The following MALL variants were observed in gnomAD, a reference collection of about 807,000 sequenced individuals.
MALL encodes MAL-like protein.
MALL carries 2 observed loss-of-function variants against 10.3 expected under a neutral mutation model. The ratio of observed to expected loss-of-function variants is 0.19; its 90% CI spans 0.08 to 0.61. The LOEUF (loss-of-function observed/expected upper bound fraction) is 0.61, where lower values mean the gene tolerates loss of function less well. MALL is among the 20% of genes least tolerant of loss of function. The probability of loss-of-function intolerance (pLI) is 0.88; values close to 1 mark genes in which losing one functional copy is unlikely to be tolerated. For synonymous variants in MALL, 27 were observed against 51.8 expected, an observed-to-expected ratio of 0.52 and a Z score of 2.05; for missense variants, 39 against 115.2, an observed-to-expected ratio of 0.34 and a Z score of 3.03.
chr2:110,100,145 T>C (rs1413240328), intron 1 of MALL, among the ~76,000 whole-genome samples: 2 of 152,108 alleles, frequency 1.3e-5, no homozygotes, highest in South Asian at 2.1e-4. Flanking sequence ...GACTCATTCA[T>C]GGATTGTGAC....
chr2:110,101,830 T>G (rs1367877128), intron 1 of MALL, among the ~76,000 whole-genome samples: 1 of 152,034 alleles, frequency 6.6e-6, no homozygotes, highest in Non-Finnish European at 1.5e-5. Flanking sequence ...TTCCTTCTTG[T>G]CTCTTAAAAA....
chr2:110,113,573 A>C (rs896862664), intron 1 of MALL, among the ~76,000 whole-genome samples: 5 of 152,008 alleles, frequency 3.3e-5, no homozygotes, highest in Non-Finnish European at 7.4e-5. Context: ...CCAATAATTT[A>C]TGGAAAAATA....
chr2:110,116,503 C>T (rs1233410544), upstream of MALL: 5 of 152,382 alleles, frequency 3.3e-5, no homozygotes, highest in Non-Finnish European at 7.3e-5. Flanking sequence ...CCCCCAGTCT[C>T]TGGGAGAGGA....
At chr2:110,109,128 A>G (rs567590937) in intron 1 of MALL, among the ~76,000 whole-genome samples, 3 of 152,304 alleles carry the variant, frequency 2.0e-5, no homozygotes, top group South Asian at 4.1e-4. Context: ...AAACAAAAAT[A>G]CAAATTAAAA....
chr2:110,114,415 C>T (rs918473378), intron 1 of MALL, among the ~76,000 whole-genome samples: 10 of 151,914 alleles, frequency 6.6e-5, no homozygotes, highest in South Asian at 2.1e-4. Flanking sequence ...TAAAAAGAGG[C>T]AGAGTCAACC....
chr2:110,095,709 G>A (rs1052570721), intron 1 of MALL, among the ~76,000 whole-genome samples: 9 of 150,894 alleles, frequency 6.0e-5, no homozygotes, highest in Non-Finnish European at 1.3e-4. Flanking sequence ...AAAAAAAAAA[G>A]AACTAGACTA....
chr2:110,103,376 T>G lies in MALL; in HGVS notation c.106-11606A>C, dbSNP rs1343779296. On this transcript the variant is annotated intron_variant, in intron 1 of 3. Coordinates refer to ENST00000272462, the MANE Select transcript of MALL (RefSeq NM_005434.5). ...AGGGGGCCCGAGGCTAGGGGCTGGC[T>G]GGCAGGGATGGACGAGGCAGGGGAG... 2.0e-5 allele frequency among the ~76,000 whole-genome samples: 3 copies of G among 152,010 alleles called. No individual in the cohort carries two copies. In the East Asian group the frequency reaches 5.8e-4, roughly 29 times the overall value.
chr2:110,099,334 G>A (rs1678513300), intron 1 of MALL, among the ~76,000 whole-genome samples: 1 of 152,196 alleles, frequency 6.6e-6, no homozygotes, highest in African/African-American at 2.4e-5. Context: ...GTCAATGACT[G>A]TGAAAGTGCC....
intron 1 of MALL, among the ~76,000 whole-genome samples, chr2:110,106,979 G>T (rs1481279939): frequency 6.6e-6 from 1 of 150,588 alleles, no homozygotes; most frequent in Admixed American, 6.7e-5. Context: ...CCCATATACT[G>T]TGTGATTTCA....
chr2:110,105,301 A>T (rs1227573319), intron 1 of MALL, among the ~76,000 whole-genome samples: 1 of 152,140 alleles, frequency 6.6e-6, no homozygotes, highest in Non-Finnish European at 1.5e-5. Flanking sequence ...GTTCACATCC[A>T]ACTCCTGTCC....
At chr2:110,098,874 T>C (rs1678502638) in intron 1 of MALL, among the ~76,000 whole-genome samples, 2 of 152,008 alleles carry the variant, frequency 1.3e-5, no homozygotes, top group African/African-American at 2.4e-5. Flanking sequence ...CGGTGGCACA[T>C]GCCTGTAGTC....
chr2:110,097,270 C>T (rs1678464285), intron 1 of MALL, among the ~76,000 whole-genome samples: 1 of 151,862 alleles, frequency 6.6e-6, no homozygotes, highest in African/African-American at 2.4e-5. Flanking sequence ...AGAATACTTC[C>T]AGAATGAGAC....
At chr2:110,096,435 G>A (rs1678441894) in intron 1 of MALL, among the ~76,000 whole-genome samples, 2 of 152,016 alleles carry the variant, frequency 1.3e-5, no homozygotes, top group Admixed American at 6.5e-5. Context: ...CTATCATCTG[G>A]CCCTTGTGAG....
At chr2:110,096,739 ACAC>A in intron 1 of MALL, among the ~76,000 whole-genome samples, 1 of 151,712 alleles carries the variant, frequency 6.6e-6, no homozygotes, top group Non-Finnish European at 1.5e-5. Flanking sequence ...ACACACACAC[ACAC>A]AATTTTTGCC....
At chr2:110,106,441 G>A (rs1197560043) in intron 1 of MALL, among the ~76,000 whole-genome samples, 1 of 152,188 alleles carries the variant, frequency 6.6e-6, no homozygotes, top group Non-Finnish European at 1.5e-5. Context: ...GAAGGAGAGA[G>A]AAAATAAATG....
intron 1 of MALL, among the ~76,000 whole-genome samples, chr2:110,092,774 T>C (rs1385152422): frequency 3.2e-5 from 4 of 124,890 alleles, no homozygotes; most frequent in Admixed American, 1.6e-4. Flanking sequence ...GAAGATATTC[T>C]TGCATTCCAG....
chr2:110,097,624 T>C (rs762906367), intron 1 of MALL: 36 of 447,814 alleles, frequency 8.0e-5, no homozygotes, highest in South Asian at 5.5e-4. Context: ...GTGAAGGATA[T>C]GTCAAAAAGA....
chr2:110,096,405 T>TG (rs898610845), intron 1 of MALL, among the ~76,000 whole-genome samples: 8 of 151,684 alleles, frequency 5.3e-5, no homozygotes, highest in African/African-American at 1.7e-4. Flanking sequence ...ATAGAAGAGG[T>TG]GGGGGTCTCA....
intron 1 of MALL, among the ~76,000 whole-genome samples, chr2:110,113,807 A>T (rs893335649): frequency 6.6e-6 from 1 of 152,080 alleles, no homozygotes; most frequent in African/African-American, 2.4e-5. Context: ...TAGTTTCCTG[A>T]TTTCAAGAGT....
Sources: allele counts gnomAD v4.1 joint callset (sites outside exome capture counted in the v4.1 genomes callset), GRCh38; gene constraint gnomAD v4.1.1; transcripts MANE v1.5; gene names NCBI Gene and HGNC (gene_info 2026-07-23, HGNC 2026-07-21).